Variants in CALML4 observed in about 807,000 individuals in gnomAD.
CALML4 encodes calmodulin-like protein 4.
CALML4 carries 16 observed loss-of-function variants against 17.9 expected under a neutral mutation model. The ratio of observed to expected loss-of-function variants is 0.89; its 90% confidence interval spans 0.61 to 1.36. CALML4 has a LOEUF of 1.36. Among genes scored for constraint, CALML4 ranks in the 40% most tolerant of loss-of-function variants. CALML4 has a pLI of 0.00. For missense variants in CALML4, 203 were observed against 194.8 expected (o/e 1.04, Z -0.25); for synonymous variants, 86 against 71.5 (o/e 1.20, Z -1.02).
At chr15:68,199,168 CA>C (rs901122735) in intron 3 of CALML4, among the ~76,000 whole-genome samples, 19 of 143,416 alleles carry the variant, frequency 1.3e-4, no homozygotes, top group Admixed American at 2.8e-4. Context: ...TGTCCCCCCT[CA>C]AAAAAAAAAG....
At chr15:68,198,910 C>T (rs2093155520) in intron 3 of CALML4, among the ~76,000 whole-genome samples, 4 of 152,146 alleles carry the variant, frequency 2.6e-5, no homozygotes, top group Admixed American at 2.6e-4. Context: ...GCCTCTAACC[C>T]CAGCACTTTG....
rs1470065367 is a variant in CALML4, at chr15:68,193,869, G to A, written c.*146C>T. 2.5e-5 allele frequency: 15 copies of A among 607,786 alleles called. No homozygotes were observed. The highest frequency in any genetic ancestry group is 4.1e-5 in the South Asian group (2 of 48,838). 37.6% of individuals were successfully genotyped at this position (607,786 alleles called of 1,614,324 possible). A position where few individuals can be genotyped will look rare whatever the true frequency, so the allele number is the denominator to read the frequency against. ...ACCATGGCTGAAATCATCTATTATT[G>A]TTGCTAGTTAGCCTCTCTTCTATAG... is the stretch of plus-strand genomic sequence containing the variant. On this transcript the variant is annotated 3_prime_UTR_variant, in exon 5 of 5. Transcript: ENST00000467889.
intron 3 of CALML4, 92 bp downstream of exon 3, chr15:68,199,449 G>A: frequency 1.4e-6 from 2 of 1,382,114 alleles, no homozygotes; most frequent in Non-Finnish European, 1.9e-6. Flanking sequence ...CCTGCCACCT[G>A]CCCCTCAAAC....
chr15:68,203,639 G>A (rs2093172605), intron 2 of CALML4, among the ~76,000 whole-genome samples: 1 of 152,180 alleles, frequency 6.6e-6, no homozygotes. Context: ...GTGACACCTG[G>A]CTATGCCTGG....
intron 4 of CALML4, among the ~76,000 whole-genome samples, chr15:68,195,058 A>C (rs1269572754): frequency 2.6e-5 from 4 of 152,164 alleles, no homozygotes; most frequent in African/African-American, 9.7e-5. Context: ...AAAAAAAAAA[A>C]AAAATCACTT....
At chr15:68,202,849 T>G (rs2093169693) in intron 2 of CALML4, among the ~76,000 whole-genome samples, 1 of 144,466 alleles carries the variant, frequency 6.9e-6, no homozygotes, top group African/African-American at 2.6e-5. Flanking sequence ...AGTCTCGCTC[T>G]TGTTGCCCAG....
rs925518571 is a variant in CALML4 at position 68,204,875 on chromosome 15, G to GT, written c.34+245dup. The stretch of plus-strand genomic sequence containing the variant: ...TGGTCAGGTTCTGGAGGGAAACCTA[G>GT]TAAGTTCTGTCTTAGCGCCCTGGCT... On this transcript the variant is annotated intron_variant, in intron 2 of 4. Coordinates refer to ENST00000467889, the MANE Select transcript of CALML4 (RefSeq NM_033429.3). This position sits in a 1 kb window ranked among gnomAD's most constrained non-coding sequence, Gnocchi z 6.0. Among the ~76,000 whole-genome samples the GT allele has an allele frequency of 6.6e-6, 1 of 152,084 alleles. No homozygotes were observed. Among genetic ancestry groups the GT allele is most frequent in the African/African-American group, 2.4e-5 (1 of 41,412 alleles).
upstream of CALML4, chr15:68,205,349 G>A (rs200131470): frequency 1.2e-6 from 2 of 1,614,024 alleles, no homozygotes; most frequent in African/African-American, 1.3e-5. The surrounding 1 kb of genome is among the most constrained non-coding windows in gnomAD (Gnocchi z 4.8). Flanking sequence ...CTGGGTGGAG[G>A]CCCGGGTAAT....
In CALML4 at chr15:68,197,938, T is replaced by G; in HGVS notation, c.176-310A>C. ...GGGCTCCTCTGCTCCCTTCTAGCGC[T>G]TCCCTCCTGCCCTGAACTGGAGGGA... On this transcript the variant is annotated intron_variant, in intron 3 of 4. Coordinates refer to ENST00000467889, the MANE Select transcript of CALML4 (RefSeq NM_033429.3). This position sits in a 1 kb window ranked among gnomAD's most constrained non-coding sequence, Gnocchi z 4.1. 6.6e-6 allele frequency: 2 copies of G among 303,086 alleles called. No individual in the cohort carries two copies. Among genetic ancestry groups the G allele is most frequent in the Non-Finnish European group, 6.2e-6 (1 of 160,048 alleles). The allele number at this position is 303,086 out of a possible 1,614,324, so 18.8% of individuals were successfully genotyped here.
chr15:68,204,599 G>C lies in CALML4; in HGVS notation c.34+522C>G, dbSNP rs531203217. Among the ~76,000 whole-genome samples the C allele has an allele frequency of 6.6e-6, 1 of 152,208 alleles. No homozygotes were observed. The highest frequency in any genetic ancestry group is 1.5e-5 in the Non-Finnish European group (1 of 68,026). ...ACTGAAGCCTGGTCGAGGGCTGGCA[G>C]AGTAGGGGACCCAGGGAATAAAGTG... On this transcript the variant is annotated intron_variant, in intron 2 of 4. Transcript: ENST00000467889. This position sits in a 1 kb window ranked among gnomAD's most constrained non-coding sequence, Gnocchi z 6.0.
At position 68,194,059 on chromosome 15, in the gene CALML4, CATA is replaced by C; in HGVS notation, c.415_417del (p.Tyr139del). 8.1e-6 allele frequency: 13 copies of C among 1,614,164 alleles called. No individual in the cohort carries two copies. The highest frequency in any genetic ancestry group is 1.1e-5 in the Non-Finnish European group (13 of 1,179,990). Reference sequence around the variant, plus strand: ...AGGGTGATCTTGTGGATAAATTCATCATACTTCACTTTGCCATTGGGTTCGATA... The same window carrying C: ...AGGGTGATCTTGTGGATAAATTCATCCTTCACTTTGCCATTGGGTTCGATA... On this transcript the variant is annotated inframe_deletion, in exon 5 of 5. Transcript: ENST00000467889.
At chr15:68,202,478 T>C (rs1772381721) in intron 2 of CALML4, among the ~76,000 whole-genome samples, 1 of 152,074 alleles carries the variant, frequency 6.6e-6, no homozygotes, top group South Asian at 2.1e-4. Context: ...TGGTGGTGCA[T>C]GCCTGTAGTC....
chr15:68,204,567 G>T lies in CALML4; in HGVS notation c.34+554C>A, dbSNP rs984415000. Among the ~76,000 whole-genome samples, 3 of 152,190 alleles carry T rather than the reference G, an allele frequency of 2.0e-5. No homozygotes were observed. Among genetic ancestry groups the T allele is most frequent in the African/African-American group, 4.8e-5 (2 of 41,442 alleles). On this transcript the variant is annotated intron_variant, in intron 2 of 4. Transcript: ENST00000467889. The surrounding 1 kb of genome is among the most constrained non-coding windows in gnomAD (Gnocchi z 6.0). ...CCTTCTGGAAATAGAACCCTGCACGGTGTGAAACTGAAGCCTGGTCGAGGG... is the reference window on the plus strand; with the variant it reads ...CCTTCTGGAAATAGAACCCTGCACGTTGTGAAACTGAAGCCTGGTCGAGGG...
upstream of CALML4, chr15:68,205,583 T>C (rs1409148680): frequency 2.5e-5 from 15 of 609,422 alleles, no homozygotes; most frequent in East Asian, 4.1e-4. The surrounding 1 kb of genome is among the most constrained non-coding windows in gnomAD (Gnocchi z 4.8). Context: ...AGGGGTCTTC[T>C]CTCTCTCTCC....
chr15:68,193,962 AATT>A lies in CALML4; in HGVS notation c.*50_*52del. ...AGTGAAAAGAACACTTTTTAAAAAA[AATT>A]AATTGCTCCAAGTTTTCAGGCCCAG... is the stretch of plus-strand genomic sequence containing the variant. On this transcript the variant is annotated 3_prime_UTR_variant, in exon 5 of 5. Coordinates refer to ENST00000467889, the MANE Select transcript of CALML4 (RefSeq NM_033429.3). 1 of 1,366,130 alleles carries A rather than the reference AATT, an allele frequency of 7.3e-7. No individual in the cohort carries two copies. The highest frequency in any genetic ancestry group is 1.2e-5 in the South Asian group (1 of 84,018). 84.6% of individuals were successfully genotyped at this position (1,366,130 alleles called of 1,614,324 possible). A position where few individuals can be genotyped will look rare whatever the true frequency, so the allele number is the denominator to read the frequency against.
intron 2 of CALML4, among the ~76,000 whole-genome samples, chr15:68,202,105 C>G (rs930705665): frequency 6.6e-6 from 1 of 152,198 alleles, no homozygotes; most frequent in Admixed American, 6.5e-5. Context: ...GATTAAAAAT[C>G]CCCTTTAAGT....
At position 68,199,696 on chromosome 15, in the gene CALML4, G is replaced by C; in HGVS notation, c.35-15C>G. 11 of 1,609,602 alleles carry C rather than the reference G, an allele frequency of 6.8e-6. No individual in the cohort carries two copies. In the South Asian group the frequency reaches 1.2e-4, roughly 18 times the overall value. On this transcript the variant is annotated splice_polypyrimidine_tract_variant and intron_variant, in intron 2 of 4. Transcript: ENST00000467889. ...TTCCTTGTACTCTGCACACGGCCCA[G>C]AGGGAGGGTCAGCAGCGTCTGGTCA...
chr15:68,199,552 G>C lies in CALML4; in HGVS notation c.164C>G (p.Thr55Ser), dbSNP rs755509673. The change falls in exon 3 of 5, where the codon ACC (threonine) becomes AGC (serine). Residue 55 changes from threonine (T) to serine (S), a missense_variant. Coordinates refer to ENST00000467889, the MANE Select transcript of CALML4 (RefSeq NM_033429.3). Reference sequence around the variant, plus strand: ...CCACCACCACTCACCTATCCCGTGGGTCTGCAGGTGCCGCTGCACCTCCCC... The same window carrying C: ...CCACCACCACTCACCTATCCCGTGGCTCTGCAGGTGCCGCTGCACCTCCCC... ...TPGEVQRHLQ[T>S]HGIDGNGELD... 4.3e-6 allele frequency: 7 copies of C among 1,613,424 alleles called. No homozygotes were observed. In the African/African-American group the frequency reaches 6.7e-5, roughly 15 times the overall value.
chr15:68,196,573 G>A (rs1038880320), intron 4 of CALML4, among the ~76,000 whole-genome samples: 1 of 152,194 alleles, frequency 6.6e-6, no homozygotes, highest in Non-Finnish European at 1.5e-5. Flanking sequence ...AGAAACCCCA[G>A]GCTCTAAGGT....
Sources: allele counts gnomAD v4.1 joint callset (sites outside exome capture counted in the v4.1 genomes callset), GRCh38; gene constraint gnomAD v4.1.1; non-coding constraint Gnocchi (gnomAD v3.1); transcripts MANE v1.5; gene names NCBI Gene and HGNC (gene_info 2026-07-23, HGNC 2026-07-21).